The following NADK2 variants were observed in gnomAD, a reference collection of about 807,000 sequenced individuals.
NADK2 encodes NAD kinase domain-containing protein 1, mitochondrial.
A neutral mutation model predicts 62.1 loss-of-function variants in NADK2; 35 were observed. The ratio of observed to expected loss-of-function variants is 0.56; its 90% CI spans 0.43 to 0.75. The LOEUF is 0.75. Among genes scored for constraint, NADK2 ranks in the 30% least tolerant of loss-of-function variants. The pLI is 0.00. For synonymous variants in NADK2, 205 were observed against 207.9 expected, an observed-to-expected ratio of 0.99 and a Z score of 0.12; for missense variants, 439 against 561.3, an observed-to-expected ratio of 0.78 and a Z score of 2.20.
intron 7 of NADK2, among the ~76,000 whole-genome samples, chr5:36,209,926 G>A (rs1438076477): frequency 1.3e-5 from 2 of 152,160 alleles, no homozygotes; most frequent in African/African-American, 4.8e-5. Flanking sequence ...AAACCCTTCC[G>A]CTGAATCAAA....
chr5:36,241,320 G>T lies in NADK2; in HGVS notation c.300+179C>A. On this transcript the variant is annotated intron_variant, in intron 1 of 11. Transcript: ENST00000381937. The surrounding 1 kb of genome is among the most constrained non-coding windows in gnomAD (Gnocchi z 4.9). ...GGCCCTGCCTCTCCCTCGCACACAC[G>T]CCCAAAGGCAAAGGAGGCCCAGGGA... 2 of 1,211,470 alleles carry T rather than the reference G, an allele frequency of 1.7e-6. No individual in the cohort carries two copies. The highest frequency in any genetic ancestry group is 1.1e-6 in the Non-Finnish European group (1 of 939,960). 75.0% of individuals were successfully genotyped at this position (1,211,470 alleles called of 1,614,324 possible).
At chr5:36,226,292 G>A (rs1747479935) in intron 3 of NADK2, among the ~76,000 whole-genome samples, 183 bp downstream of exon 3, 1 of 152,002 alleles carries the variant, frequency 6.6e-6, no homozygotes, top group African/African-American at 2.4e-5. Flanking sequence ...TCATAGTAAC[G>A]TCATTCATTT....
intron 1 of NADK2, among the ~76,000 whole-genome samples, chr5:36,233,172 A>C (rs1315709364): frequency 6.6e-6 from 1 of 151,960 alleles, no homozygotes; most frequent in Non-Finnish European, 1.5e-5. Context: ...GACAACACCA[A>C]CTCTTATCTG....
intron 1 of NADK2, among the ~76,000 whole-genome samples, chr5:36,230,338 C>A (rs538053913): frequency 6.6e-6 from 1 of 152,348 alleles, no homozygotes; most frequent in African/African-American, 2.4e-5. Flanking sequence ...CCCTGGGGTG[C>A]CAGGACTGCT....
chr5:36,195,147 C>T lies in NADK2; in HGVS notation c.1326G>A (p.Gln442=), dbSNP rs1329584982. The change falls in exon 12 of 12, where the codon CAG becomes CAA. Residue 442 remains glutamine (Q), a synonymous_variant. Coordinates refer to ENST00000381937, the MANE Select transcript of NADK2 (RefSeq NM_001085411.3). ...AAATTTGTCATGAGGAAATCCTTCA[C>T]TGTTCAAGAAGCACAGTTCGAAGCT... ...EDELRTVLLE[Q] is the part of the protein sequence containing the mutation. The T allele has an allele frequency of 1.2e-6, 2 of 1,602,750 alleles. No individual in the cohort carries two copies. The highest frequency in any genetic ancestry group is 1.7e-4 in the Middle Eastern group (1 of 6,010).
At chr5:36,212,522 T>C (rs1340413556) in intron 6 of NADK2, among the ~76,000 whole-genome samples, 1 of 152,202 alleles carries the variant, frequency 6.6e-6, no homozygotes. Flanking sequence ...TACTTAAACA[T>C]TACACCATCA....
At chr5:36,221,187 C>T (rs919374365) in intron 4 of NADK2, 4 of 152,178 alleles carry the variant, frequency 2.6e-5, no homozygotes, top group African/African-American at 9.7e-5. Context: ...TAATTATTTA[C>T]CAGGCTCGGT....
At chr5:36,227,456 G>C (rs1747524149) in intron 2 of NADK2, 21 bp downstream of exon 2, 1 of 1,289,346 alleles carries the variant, frequency 7.8e-7, no homozygotes, top group East Asian at 2.9e-5. Flanking sequence ...TCCAACCCAA[G>C]ACCCAATCCC....
intron 6 of NADK2, among the ~76,000 whole-genome samples, chr5:36,217,261 T>C (rs146803484): frequency 1.3e-5 from 2 of 152,226 alleles, no homozygotes; most frequent in African/African-American, 4.8e-5. Context: ...GCTTTAACCC[T>C]CCTAACAAAA....
Position 36,241,234 on chromosome 5 carries a change from C to T in NADK2, c.300+265G>A. 2.1e-6 allele frequency: 1 copy of T among 487,576 alleles called. No individual in the cohort carries two copies. The highest frequency in any genetic ancestry group is 3.1e-6 in the Non-Finnish European group (1 of 324,768). 30.2% of individuals were successfully genotyped at this position (487,576 alleles called of 1,614,324 possible). A position where few individuals can be genotyped will look rare whatever the true frequency, so the allele number is the denominator to read the frequency against. On this transcript the variant is annotated intron_variant, in intron 1 of 11. Transcript: ENST00000381937. The surrounding 1 kb of genome is among the most constrained non-coding windows in gnomAD (Gnocchi z 4.9). ...CGGCAGCCCCTCTTCGCCCTCCCCG[C>T]GGCGCCCCTGCCTCCTAAGTCCCTG...
At chr5:36,218,494 T>C (rs1044188457) in intron 5 of NADK2, among the ~76,000 whole-genome samples, 1 of 152,340 alleles carries the variant, frequency 6.6e-6, no homozygotes, top group Middle Eastern at 3.4e-3. Context: ...TACAAAAATA[T>C]ACTTCCACTT....
rs913045148 is a variant in NADK2 at position 36,193,377 on chromosome 5, G to A, written c.*1767C>T. The A allele has an allele frequency of 2.6e-5, 4 of 151,150 alleles. No homozygotes were observed. Among genetic ancestry groups the A allele is most frequent in the African/African-American group, 9.8e-5 (4 of 40,854 alleles). 9.4% of individuals were successfully genotyped at this position (151,150 alleles called of 1,614,324 possible). ...TGTAATCCCAGCTACTTGGGAGGCT[G>A]AGGCAGGAGAATCGCTTGAACCTGG... On this transcript the variant is annotated 3_prime_UTR_variant, in exon 12 of 12. Coordinates refer to ENST00000381937, the MANE Select transcript of NADK2 (RefSeq NM_001085411.3).
chr5:36,240,848 A>G (rs1013753998), intron 1 of NADK2, among the ~76,000 whole-genome samples: 5 of 152,178 alleles, frequency 3.3e-5, no homozygotes, highest in Admixed American at 6.5e-5. Context: ...ATACAAGTCA[A>G]ATTTTCTCCC....
At chr5:36,223,728 C>T (rs1024182382) in intron 4 of NADK2, among the ~76,000 whole-genome samples, 2 of 151,940 alleles carry the variant, frequency 1.3e-5, no homozygotes, top group African/African-American at 4.8e-5. Flanking sequence ...GGGGCAAATC[C>T]ATAAAAAAAC....
intron 8 of NADK2, among the ~76,000 whole-genome samples, chr5:36,206,529 C>CT (rs1374790699): frequency 6.6e-6 from 1 of 151,732 alleles, no homozygotes; most frequent in Non-Finnish European, 1.5e-5. Context: ...AAAAAAAATG[C>CT]TTTTTTTCTC....
chr5:36,215,901 G>T (rs1747024439), intron 6 of NADK2, among the ~76,000 whole-genome samples: 1 of 152,146 alleles, frequency 6.6e-6, no homozygotes, highest in African/African-American at 2.4e-5. Context: ...CATCAAACAT[G>T]AGGCGCCAGT....
chr5:36,197,777 G>A, intron 10 of NADK2, 113 bp from the exon 11 acceptor site: 1 of 912,772 alleles, frequency 1.1e-6, no homozygotes, highest in Non-Finnish European at 1.5e-6. Context: ...AGTATATTTG[G>A]GAACAAGTTT....
At chr5:36,197,188 A>G (rs1746260901) in intron 11 of NADK2, among the ~76,000 whole-genome samples, 1 of 151,974 alleles carries the variant, frequency 6.6e-6, no homozygotes, top group African/African-American at 2.4e-5. Context: ...ATCAGTGTTT[A>G]TTGTGTTTTT....
intron 8 of NADK2, among the ~76,000 whole-genome samples, chr5:36,201,656 G>A (rs1315332361): frequency 2.0e-5 from 3 of 151,746 alleles, no homozygotes; most frequent in Non-Finnish European, 4.4e-5. Context: ...TGTATATGTT[G>A]TTTCATTTTA....
Sources: gnomAD v4.1 joint callset for allele counts (sites outside exome capture counted in the v4.1 genomes callset) on GRCh38, gnomAD v4.1.1 for gene constraint, Gnocchi (gnomAD v3.1) non-coding constraint, MANE v1.5 for transcripts, NCBI Gene and HGNC (gene_info 2026-07-23, HGNC 2026-07-21) for gene names.